Variants in SYNE2 observed in about 807,000 individuals in gnomAD.
SYNE2 encodes the protein spectrin repeat containing nuclear envelope protein 2.
SYNE2 carries 431 observed loss-of-function variants against 856.3 expected under a neutral mutation model. The ratio of observed to expected loss-of-function variants is 0.50; its 90% confidence interval spans 0.47 to 0.55. The LOEUF is 0.55. Among genes scored for constraint, SYNE2 ranks in the 20% least tolerant of loss-of-function variants. The pLI is 0.00. For synonymous variants in SYNE2, 2,923 were observed against 2,872.3 expected (o/e 1.02, Z -0.56); for missense variants, 8,129 against 8,023.2 (o/e 1.01, Z -0.50).
intron 2 of SYNE2, among the ~76,000 whole-genome samples, chr14:63,935,229 G>C (rs924241564): frequency 5.9e-5 from 9 of 152,088 alleles, no homozygotes; most frequent in African/African-American, 1.9e-4. Flanking sequence ...TATCCAGTTG[G>C]CTAATCAGAA....
Position 64,128,516 on chromosome 14 carries a change from A to G in SYNE2, c.13982A>G (p.Asn4661Ser). Reference protein sequence around the residue: ...KSKTSLQQSLNEISGQSVAEQ... With the variant: ...KSKTSLQQSLSEISGQSVAEQ... Reference sequence around the variant, plus strand: ...AAGACATCTTTACAACAGTCTTTGAATGAAATCAGTGGGCAGAGTGTTGCT... The same window carrying G: ...AAGACATCTTTACAACAGTCTTTGAGTGAAATCAGTGGGCAGAGTGTTGCT... The change falls in exon 74 of 116, where the codon AAT becomes AGT. Residue 4661 changes from asparagine to serine, a missense_variant. Asn to Ser is a conservative substitution (Grantham distance 46). Around this residue, in one of 3 missense-constraint regions of SYNE2, gnomAD observed 5,410 missense variants for 5,284.8 expected, o/e 1.02. Coordinates refer to ENST00000555002, the MANE Select transcript of SYNE2 (RefSeq NM_182914.3). 4 of 1,610,442 alleles carry G rather than the reference A, an allele frequency of 2.5e-6. No homozygotes were observed. The highest frequency in any genetic ancestry group is 3.4e-6 in the Non-Finnish European group (4 of 1,176,572).
chr14:64,088,523 C>CATAAATGCTGGG (rs1331054246), intron 58 of SYNE2, among the ~76,000 whole-genome samples: 2 of 152,174 alleles, frequency 1.3e-5, no homozygotes, highest in African/African-American at 4.8e-5. Flanking sequence ...GTAATCCCAG[C>CATAAATGCTGGG]ATTTACGGAG....
At chr14:64,164,720 T>C (rs1444572493) in intron 89 of SYNE2, among the ~76,000 whole-genome samples, 2 of 152,172 alleles carry the variant, frequency 1.3e-5, no homozygotes, top group Admixed American at 6.5e-5. Context: ...CTATGTGGTC[T>C]CCTCAGGCGG....
chr14:64,224,512 C>T lies in SYNE2; in HGVS notation c.20434C>T (p.Pro6812Ser). The T allele has an allele frequency of 1.2e-6, 2 of 1,614,092 alleles. No homozygotes were observed. The highest frequency in any genetic ancestry group is 1.7e-6 in the Non-Finnish European group (2 of 1,180,026). Residue 6812 changes from proline (P) to serine (S), a missense_variant, in exon 114 of 116, where the codon CCT becomes TCT. Around this residue, in one of 3 missense-constraint regions of SYNE2, gnomAD observed 5,410 missense variants for 5,284.8 expected, o/e 1.02. Coordinates refer to ENST00000555002, the MANE Select transcript of SYNE2 (RefSeq NM_182914.3). ...CGACGAGGTAGACTCGGGGGACCAG[C>T]CTCCTGCAACATCCGTGCCAGCTCC... ...SFDEVDSGDQ[P>S]PATSVPAPRA...
chr14:64,176,985 A>T (rs556688867), intron 95 of SYNE2, among the ~76,000 whole-genome samples: 23 of 152,066 alleles, frequency 1.5e-4, no homozygotes, highest in African/African-American at 5.3e-4. Context: ...TTTAGTGGAG[A>T]CGGAGTTTCG....
chr14:63,947,529 A>G (rs1030088053), intron 6 of SYNE2, among the ~76,000 whole-genome samples: 2 of 152,164 alleles, frequency 1.3e-5, no homozygotes, highest in Non-Finnish European at 2.9e-5. Context: ...CAGTTGACTC[A>G]ATAGTTTATT....
Position 63,948,782 on chromosome 14 carries a change from G to GTGTGTGTGTCTATA in SYNE2, c.409-1042_409-1041insGTGTGTGTCTATAT, listed in dbSNP as rs1454688156. Among the ~76,000 whole-genome samples the GTGTGTGTGTCTATA allele has an allele frequency of 5.2e-4, 23 of 43,900 alleles. 2 individuals carry two copies. The highest frequency in any genetic ancestry group is 1.4e-3 in the Admixed American group (5 of 3,582). 28.8% of individuals were successfully genotyped at this position (43,900 alleles called of 152,430 possible). On this transcript the variant is annotated intron_variant, in intron 6 of 115. Transcript: ENST00000555002. The stretch of plus-strand genomic sequence containing the variant: ...TATGTATATATATGTATGTGTGTGT[G>GTGTGTGTGTCTATA]TATATATATATATATATATATATAT...
In SYNE2 at chr14:64,025,254, C is replaced by G; in HGVS notation, c.6085C>G (p.Leu2029Val). Residue 2029 changes from leucine (L) to valine (V), a missense_variant, in exon 41 of 116, where the codon CTA becomes GTA. Around this residue, in one of 3 missense-constraint regions of SYNE2, gnomAD observed 2,422 missense variants for 2,357.4 expected, o/e 1.03. Coordinates refer to ENST00000555002, the MANE Select transcript of SYNE2 (RefSeq NM_182914.3). ...TAGATACCAGACATTACTGAGACAA[C>G]TAAGTGAAATCGAGGAAGAGGATAA... ...MDRYQTLLRQ[L>V]SEIEEEDKLL... 6.2e-7 allele frequency: 1 copy of G among 1,614,076 alleles called. No individual in the cohort carries two copies. Among genetic ancestry groups the G allele is most frequent in the Non-Finnish European group, 8.5e-7 (1 of 1,179,976 alleles).
chr14:63,948,052 C>G (rs776291128), intron 6 of SYNE2, among the ~76,000 whole-genome samples: 32 of 152,178 alleles, frequency 2.1e-4, no homozygotes, highest in African/African-American at 7.7e-4. Context: ...CCAACTTATT[C>G]TTTAAGAAAG....
At chr14:64,128,627 A>G (rs2153675936) in intron 74 of SYNE2, 74 bp downstream of exon 74, 1 of 900,074 alleles carries the variant, frequency 1.1e-6, no homozygotes, top group East Asian at 2.4e-5. Flanking sequence ...GTGCTTCTGA[A>G]CTACTTTCCT....
At chr14:64,047,897 A>G (rs1415954326) in intron 45 of SYNE2, 103 bp from the exon 46 acceptor site, 1 of 1,285,352 alleles carries the variant, frequency 7.8e-7, no homozygotes, top group African/African-American at 1.5e-5. Flanking sequence ...TAAGTCTATA[A>G]TCCAAGTAAA....
At chr14:63,849,232 A>G (rs1029452857), upstream of SYNE2, among the ~76,000 whole-genome samples, 3 of 151,158 alleles carry the variant, frequency 2.0e-5, no homozygotes, top group African/African-American at 7.3e-5. Flanking sequence ...CAGAGATAGC[A>G]TAACAAGGAG....
At chr14:63,783,032 A>T (rs1275798935) in intron 1 of SYNE2, among the ~76,000 whole-genome samples, 3 of 152,118 alleles carry the variant, frequency 2.0e-5, no homozygotes, top group Admixed American at 6.6e-5. Context: ...ATGCTTTAAG[A>T]AGGATATTGA....
chr14:63,893,048 G>A (rs1483595012), intron 1 of SYNE2, among the ~76,000 whole-genome samples: 1 of 152,090 alleles, frequency 6.6e-6, no homozygotes, highest in Non-Finnish European at 1.5e-5. Flanking sequence ...ACTAGAGTTA[G>A]ACCTCAAAGT....
intron 93 of SYNE2, among the ~76,000 whole-genome samples, chr14:64,169,287 C>T (rs1478655840): frequency 6.6e-6 from 1 of 152,214 alleles, no homozygotes; most frequent in Non-Finnish European, 1.5e-5. Flanking sequence ...GTACTGTTTC[C>T]TTCTCTACCA....
chr14:63,761,884 G>A (rs773513700), upstream of SYNE2: 13 of 217,414 alleles, frequency 6.0e-5, no homozygotes, highest in Non-Finnish European at 1.2e-4. Context: ...ACCAGCCCGA[G>A]CGGCGGCGGC....
At chr14:64,029,113 C>T (rs1333752610) in intron 43 of SYNE2, among the ~76,000 whole-genome samples, 2 of 152,030 alleles carry the variant, frequency 1.3e-5, no homozygotes, top group African/African-American at 4.8e-5. Context: ...TCCAGCCTGG[C>T]AACAGAGTGA....
chr14:63,980,594 G>T, intron 14 of SYNE2, 60 bp from the exon 15 acceptor site: 2 of 1,190,778 alleles, frequency 1.7e-6, no homozygotes, highest in South Asian at 1.3e-5. Flanking sequence ...TCACTATCTG[G>T]ATTTCTTGGC....
At chr14:63,969,206 G>A (rs1413644998) in intron 11 of SYNE2, among the ~76,000 whole-genome samples, 9 of 140,412 alleles carry the variant, frequency 6.4e-5, no homozygotes, top group South Asian at 2.2e-4. Flanking sequence ...GTCTTGCTCC[G>A]TTGCCCAGGC....
Sources: gnomAD v4.1 joint callset for allele counts (sites outside exome capture counted in the v4.1 genomes callset) on GRCh38, gnomAD v4.1.1 for gene constraint, gnomAD v4.1.1 regional missense constraint, MANE v1.5 for transcripts, NCBI Gene and HGNC (gene_info 2026-07-23, HGNC 2026-07-21) for gene names.